The following TBC1D4 variants were observed in gnomAD, a reference collection of about 807,000 sequenced individuals.
The protein encoded by TBC1D4 is TBC (Tre-2, BUB2, CDC16) domain-containing protein.
Under a neutral mutation model 142.5 loss-of-function variants are expected in TBC1D4, and 121 were observed. That is an observed-to-expected ratio of 0.85 (90% CI 0.73 to 0.99). The LOEUF (loss-of-function observed/expected upper bound fraction) is 0.99, where lower values mean the gene tolerates loss of function less well. Ranked by LOEUF, TBC1D4 falls within the 50% of genes least tolerant of loss-of-function variation. The pLI is 0.00. For missense variants in TBC1D4, 1,475 were observed against 1,606.6 expected (o/e 0.92, Z 1.40); for synonymous variants, 630 against 628.2 (o/e 1.00, Z -0.04).
intron 1 of TBC1D4, among the ~76,000 whole-genome samples, chr13:75,399,293 A>C (rs1177317051): frequency 6.6e-6 from 1 of 152,236 alleles, no homozygotes; most frequent in African/African-American, 2.4e-5. Context: ...CAAAAATCAC[A>C]GAAAATCATT....
chr13:75,343,481 T>C (rs1200133901), intron 5 of TBC1D4, among the ~76,000 whole-genome samples: 2 of 151,936 alleles, frequency 1.3e-5, no homozygotes, highest in African/African-American at 2.4e-5. Context: ...ATTTTGATGG[T>C]ATGACACCAC....
intron 1 of TBC1D4, among the ~76,000 whole-genome samples, chr13:75,385,895 CAA>C (rs888909121): frequency 3.9e-5 from 6 of 152,120 alleles, no homozygotes; most frequent in African/African-American, 1.4e-4. Context: ...ATGATAACAT[CAA>C]AGACTATGAG....
At chr13:75,398,855 C>G (rs2138338893) in intron 1 of TBC1D4, among the ~76,000 whole-genome samples, 1 of 152,294 alleles carries the variant, frequency 6.6e-6, no homozygotes, top group African/African-American at 2.4e-5. Flanking sequence ...GTCTCCCAGA[C>G]CCACTTATCT....
chr13:75,397,396 G>C (rs981491506), intron 1 of TBC1D4, among the ~76,000 whole-genome samples: 6 of 152,142 alleles, frequency 3.9e-5, no homozygotes, highest in African/African-American at 1.2e-4. Flanking sequence ...ACTATAAAGT[G>C]GAAGCAGAGG....
At chr13:75,389,294 C>T (rs917157460) in intron 1 of TBC1D4, among the ~76,000 whole-genome samples, 1 of 152,178 alleles carries the variant, frequency 6.6e-6, no homozygotes, top group African/African-American at 2.4e-5. Context: ...ATGAGCTAAC[C>T]TGTAGCCAAA....
intron 1 of TBC1D4, among the ~76,000 whole-genome samples, chr13:75,428,831 C>A (rs1161176571): frequency 6.6e-6 from 1 of 152,212 alleles, no homozygotes; most frequent in Non-Finnish European, 1.5e-5. Context: ...ACCCTCGCTG[C>A]AACCCCTTTC....
In TBC1D4 at chr13:75,406,084, G is replaced by A. The variant is rs926146191; in HGVS notation, c.499-43477C>T. Among the ~76,000 whole-genome samples the A allele has an allele frequency of 9.2e-5, 14 of 152,098 alleles. No individual in the cohort carries two copies. The East Asian group carries it at 1.9e-3, about 21-fold the overall frequency. The stretch of plus-strand genomic sequence containing the variant: ...AGTCATAATTGAATTCGTTCGCTCC[G>A]GCCTTTCAAACAGCTGCAGTGTTTA... On this transcript the variant is annotated intron_variant, in intron 1 of 20. Transcript: ENST00000377636.
intron 1 of TBC1D4, among the ~76,000 whole-genome samples, chr13:75,456,969 T>C (rs746693893): frequency 5.3e-5 from 8 of 151,972 alleles, no homozygotes; most frequent in Non-Finnish European, 2.9e-5. Flanking sequence ...GTTTCTGCTG[T>C]ATGCAACACC....
chr13:75,397,076 G>C (rs772699206), intron 1 of TBC1D4, among the ~76,000 whole-genome samples: 8 of 151,976 alleles, frequency 5.3e-5, no homozygotes, highest in Non-Finnish European at 1.2e-4. Context: ...GAAATGAATG[G>C]ATTTCACAGG....
intron 1 of TBC1D4, among the ~76,000 whole-genome samples, chr13:75,409,922 T>C (rs2138390733): frequency 1.3e-5 from 2 of 152,320 alleles, no homozygotes; most frequent in Middle Eastern, 3.4e-3. Context: ...GAATCCAAAA[T>C]TTCTTTCAAA....
At chr13:75,481,103 C>G (rs1314364338) in intron 1 of TBC1D4, among the ~76,000 whole-genome samples, 167 bp downstream of exon 1, 1 of 152,204 alleles carries the variant, frequency 6.6e-6, no homozygotes, top group Non-Finnish European at 1.5e-5. Flanking sequence ...CTCCCACTCC[C>G]AAGGTCCAGG....
Position 75,284,492 on chromosome 13 carries a change from A to T in TBC1D4, c.*2300T>A, listed in dbSNP as rs1874502401. 6.6e-6 allele frequency among the ~76,000 whole-genome samples: 1 copy of T among 152,102 alleles called. No individual in the cohort carries two copies. Among genetic ancestry groups the T allele is most frequent in the Non-Finnish European group, 1.5e-5 (1 of 68,022 alleles). ...CAATAGGGTTTGCGCTCCTATGAGAATCTAATGCCGTGGCTGATCTGACAG... is the reference window on the plus strand; with the variant it reads ...CAATAGGGTTTGCGCTCCTATGAGATTCTAATGCCGTGGCTGATCTGACAG... On this transcript the variant is annotated 3_prime_UTR_variant, in exon 21 of 21. Transcript: ENST00000377636.
intron 12 of TBC1D4, among the ~76,000 whole-genome samples, chr13:75,318,259 G>T (rs1878477182): frequency 7.2e-6 from 1 of 138,792 alleles, no homozygotes. Flanking sequence ...TCTTGCAAAG[G>T]TGGTGTTATA....
intron 8 of TBC1D4, among the ~76,000 whole-genome samples, chr13:75,336,120 C>T (rs1197396518): frequency 6.6e-6 from 1 of 152,132 alleles, no homozygotes; most frequent in Non-Finnish European, 1.5e-5. Flanking sequence ...CATTTTGGGC[C>T]AGGTGCGGTG....
In TBC1D4 at chr13:75,423,651, C is replaced by T. The variant is rs570581827; in HGVS notation, c.498+57619G>A. On this transcript the variant is annotated intron_variant, in intron 1 of 20. Transcript: ENST00000377636. ...TAAGGGCAAGAGAAGAATGACTTCT[C>T]TATGAATCTAAAATAAAAACTTCCA... Among the ~76,000 whole-genome samples, 5 of 152,296 alleles carry T rather than the reference C, an allele frequency of 3.3e-5. No homozygotes were observed. The East Asian group carries it at 9.6e-4, about 29-fold the overall frequency.
At chr13:75,320,564 AT>A (rs1305838999) in intron 11 of TBC1D4, among the ~76,000 whole-genome samples, 1 of 152,116 alleles carries the variant, frequency 6.6e-6, no homozygotes, top group Non-Finnish European at 1.5e-5. Context: ...CTCCTCTATC[AT>A]TTCAGTTATG....
At chr13:75,481,195 T>TCCCC in intron 1 of TBC1D4, 75 bp downstream of exon 1, 6 of 1,292,708 alleles carry the variant, frequency 4.6e-6, no homozygotes, top group East Asian at 2.9e-5. Flanking sequence ...TAAAGTGGGG[T>TCCCC]CCCCGCCCCT....
chr13:75,440,810 G>C (rs1252043677), intron 1 of TBC1D4, among the ~76,000 whole-genome samples: 1 of 150,782 alleles, frequency 6.6e-6, no homozygotes, highest in African/African-American at 2.4e-5. Flanking sequence ...GGCCTCAAGT[G>C]ATTCTCCTGC....
chr13:75,468,969 T>G (rs547647128), intron 1 of TBC1D4, among the ~76,000 whole-genome samples: 2 of 152,202 alleles, frequency 1.3e-5, no homozygotes, highest in South Asian at 4.2e-4. Flanking sequence ...TTAAACGAGT[T>G]AAGTGTCAAA....
Sources: allele counts gnomAD v4.1 joint callset (sites outside exome capture counted in the v4.1 genomes callset), GRCh38; gene constraint gnomAD v4.1.1; transcripts MANE v1.5; gene names NCBI Gene and HGNC (gene_info 2026-07-23, HGNC 2026-07-21).